Variants in NPAS3 observed in about 807,000 individuals in gnomAD.
The protein encoded by NPAS3 is neuronal PAS domain-containing protein 3.
Under a neutral mutation model 73.1 loss-of-function variants are expected in NPAS3, and 14 were observed. That is an observed-to-expected ratio of 0.19 (90% CI 0.13 to 0.30). NPAS3 has a LOEUF of 0.30. Ranked by LOEUF, NPAS3 falls within the 10% of genes least tolerant of loss-of-function variation. The pLI is 1.00. For synonymous variants in NPAS3, 620 were observed against 541.5 expected, an observed-to-expected ratio of 1.14 and a Z score of -2.01; for missense variants, 1,096 against 1,250.0, an observed-to-expected ratio of 0.88 and a Z score of 1.86.
At chr14:32,946,344 A>ACACG (rs1555374399) in intron 1 of NPAS3, among the ~76,000 whole-genome samples, 1 of 107,816 alleles carries the variant, frequency 9.3e-6, no homozygotes, top group Non-Finnish European at 2.0e-5. Context: ...ACACACACAC[A>ACACG]CGCGCACACA....
chr14:33,680,828 A>G (rs2059915087), intron 6 of NPAS3: 1 of 570,188 alleles, frequency 1.8e-6, no homozygotes, highest in Admixed American at 3.3e-5. Context: ...CTACAGCTGC[A>G]TGGCTAACCC....
intron 3 of NPAS3, among the ~76,000 whole-genome samples, chr14:33,235,915 A>T (rs1299966362): frequency 7.0e-6 from 1 of 142,360 alleles, no homozygotes; most frequent in African/African-American, 2.6e-5. Context: ...CAGCCTCCTG[A>T]GTAGCAGGGA....
intron 3 of NPAS3, among the ~76,000 whole-genome samples, chr14:33,265,712 A>G (rs2040783199): frequency 6.6e-6 from 1 of 151,680 alleles, no homozygotes; most frequent in African/African-American, 2.4e-5. Context: ...TAAGTCAGCA[A>G]TGTAGATCTG....
At chr14:33,770,567 T>C (rs535041615) in intron 7 of NPAS3, among the ~76,000 whole-genome samples, 5 of 152,318 alleles carry the variant, frequency 3.3e-5, no homozygotes, top group Non-Finnish European at 4.4e-5. Context: ...TCATAGATTA[T>C]GTGTCTTAGA....
At chr14:33,317,282 A>T (rs2140221526) in intron 3 of NPAS3, among the ~76,000 whole-genome samples, 1 of 152,210 alleles carries the variant, frequency 6.6e-6, no homozygotes, top group East Asian at 1.9e-4. Flanking sequence ...ACCCTCTATT[A>T]GGCACTATAC....
At chr14:33,728,058 C>T (rs1025495654) in intron 6 of NPAS3, among the ~76,000 whole-genome samples, 1 of 152,182 alleles carries the variant, frequency 6.6e-6, no homozygotes, top group Non-Finnish European at 1.5e-5. Flanking sequence ...AGCAGCTTGA[C>T]TCTGACACTG....
chr14:33,739,199 G>A (rs925230535), intron 7 of NPAS3, among the ~76,000 whole-genome samples: 2 of 152,154 alleles, frequency 1.3e-5, no homozygotes, highest in Admixed American at 1.3e-4. Flanking sequence ...TTCAGATACT[G>A]GAGTTCCTGC....
chr14:33,596,253 A>G (rs959726455), intron 5 of NPAS3, among the ~76,000 whole-genome samples: 22 of 152,238 alleles, frequency 1.4e-4, no homozygotes, highest in African/African-American at 5.3e-4. Context: ...TTACACTTAC[A>G]AATTAGGAGA....
intron 2 of NPAS3, among the ~76,000 whole-genome samples, chr14:33,129,582 G>T (rs1415565649): frequency 6.6e-6 from 1 of 152,130 alleles, no homozygotes; most frequent in Non-Finnish European, 1.5e-5. Context: ...AGTTGCCAAG[G>T]ATAGTTTGTA....
intron 3 of NPAS3, among the ~76,000 whole-genome samples, chr14:33,225,880 C>T (rs890327472): frequency 3.9e-5 from 6 of 151,916 alleles, no homozygotes; most frequent in Non-Finnish European, 5.9e-5. Flanking sequence ...TGTAAAAGGT[C>T]GATTCTTGTA....
chr14:32,940,623 C>G (rs570688406), intron 1 of NPAS3, among the ~76,000 whole-genome samples: 1 of 152,196 alleles, frequency 6.6e-6, no homozygotes, highest in South Asian at 2.1e-4. Flanking sequence ...ATTTTCCTCA[C>G]AGGCTTAAGT....
intron 5 of NPAS3, among the ~76,000 whole-genome samples, chr14:33,573,532 G>A (rs1415008004): frequency 1.3e-5 from 2 of 151,998 alleles, no homozygotes; most frequent in African/African-American, 2.4e-5. Flanking sequence ...AAAAAGTAAC[G>A]CTTTTGGTCA....
At chr14:33,563,421 A>G (rs1201915868) in intron 5 of NPAS3, among the ~76,000 whole-genome samples, 1 of 151,892 alleles carries the variant, frequency 6.6e-6, no homozygotes. Context: ...TTCTCTTTAA[A>G]GTATTCTCAT....
chr14:33,442,079 C>A lies in NPAS3; in HGVS notation c.468+74811C>A, dbSNP rs574813571. 2.5e-3 allele frequency among the ~76,000 whole-genome samples: 383 copies of A among 152,222 alleles called. 1 individual carries two copies. Among genetic ancestry groups the A allele is most frequent in the African/African-American group, 8.7e-3 (362 of 41,532 alleles). ...CGTATGACATAGTTTGCAGATTTCTCGATGTACTACTTCATACTCAGTGTA... is the reference window on the plus strand; with the variant it reads ...CGTATGACATAGTTTGCAGATTTCTAGATGTACTACTTCATACTCAGTGTA... On this transcript the variant is annotated intron_variant, in intron 4 of 11. Coordinates refer to ENST00000356141, the Ensembl canonical transcript of NPAS3.
intron 2 of NPAS3, among the ~76,000 whole-genome samples, chr14:33,077,251 A>C (rs1030859654): frequency 2.6e-5 from 4 of 152,200 alleles, no homozygotes; most frequent in African/African-American, 7.2e-5. Flanking sequence ...TGGTCAGAAG[A>C]GGTCTTGCTG....
intron 3 of NPAS3, among the ~76,000 whole-genome samples, chr14:33,347,571 T>C (rs1408051520): frequency 6.6e-6 from 1 of 152,140 alleles, no homozygotes; most frequent in African/African-American, 2.4e-5. Flanking sequence ...ATAAAATGAG[T>C]TGAGGGTGAC....
intron 4 of NPAS3, among the ~76,000 whole-genome samples, chr14:33,430,666 T>G (rs1224963904): frequency 2.0e-5 from 3 of 152,192 alleles, no homozygotes; most frequent in African/African-American, 7.2e-5. Context: ...TGGCATCAGA[T>G]CTCCTCAGAC....
chr14:33,637,984 G>T (rs141524506), intron 5 of NPAS3, among the ~76,000 whole-genome samples: 1 of 152,114 alleles, frequency 6.6e-6, no homozygotes, highest in African/African-American at 2.4e-5. Flanking sequence ...TGATCTTTCC[G>T]TGCTGTGAGT....
At chr14:33,196,450 T>C (rs563907481) in intron 2 of NPAS3, among the ~76,000 whole-genome samples, 1 of 152,320 alleles carries the variant, frequency 6.6e-6, no homozygotes, top group South Asian at 2.1e-4. Context: ...ATCTCTCTCT[T>C]TTGAGTAGTA....
Sources: gnomAD v4.1 joint callset for allele counts (sites outside exome capture counted in the v4.1 genomes callset) on GRCh38, gnomAD v4.1.1 for gene constraint, MANE v1.5 for transcripts, NCBI Gene and HGNC (gene_info 2026-07-23, HGNC 2026-07-21) for gene names.